Variants in IFT88 observed in about 807,000 individuals in gnomAD.
IFT88 encodes the protein intraflagellar transport 88.
IFT88 carries 74 observed loss-of-function variants against 119.5 expected under a neutral mutation model. The ratio of observed to expected loss-of-function variants is 0.62; its 90% CI spans 0.51 to 0.75. The LOEUF (loss-of-function observed/expected upper bound fraction) is 0.75, where lower values mean the gene tolerates loss of function less well. Among genes scored for constraint, IFT88 ranks in the 30% least tolerant of loss-of-function variants. IFT88 has a pLI of 0.00. For synonymous variants in IFT88, 279 were observed against 316.7 expected, an observed-to-expected ratio of 0.88 and a Z score of 1.26; for missense variants, 961 against 977.7, an observed-to-expected ratio of 0.98 and a Z score of 0.23.
intron 1 of IFT88, 121 bp from the exon 2 acceptor site, chr13:20,574,259 A>G (rs1214304080): frequency 6.3e-6 from 3 of 475,948 alleles, no homozygotes; most frequent in African/African-American, 6.1e-5. Flanking sequence ...GATCAAGGCT[A>G]TAGTGAGCCG....
intron 16 of IFT88, among the ~76,000 whole-genome samples, chr13:20,634,620 G>A (rs886310003): frequency 3.3e-5 from 5 of 151,852 alleles, no homozygotes; most frequent in South Asian, 2.1e-4. Flanking sequence ...CCAGCTACTC[G>A]GGAGGCTGAG....
intron 6 of IFT88, among the ~76,000 whole-genome samples, chr13:20,592,090 A>T (rs1455738587): frequency 6.6e-6 from 1 of 152,122 alleles, no homozygotes; most frequent in Non-Finnish European, 1.5e-5. Flanking sequence ...AGAATATCTT[A>T]TTTTTGTTTT....
intron 24 of IFT88, among the ~76,000 whole-genome samples, chr13:20,690,248 G>C (rs1374640924): frequency 6.6e-6 from 1 of 152,188 alleles, no homozygotes; most frequent in Non-Finnish European, 1.5e-5. Flanking sequence ...TGTGGGGCTA[G>C]AGGAGTACTT....
Position 20,583,107 on chromosome 13 carries a change from GTAGTGT to G in IFT88, c.153+91_153+96del, listed in dbSNP as rs978101951. 8 of 709,004 alleles carry G rather than the reference GTAGTGT, an allele frequency of 1.1e-5. No individual in the cohort carries two copies. The African/African-American group carries it at 1.5e-4, about 13-fold the overall frequency. 43.9% of individuals were successfully genotyped at this position (709,004 alleles called of 1,614,324 possible). On this transcript the variant is annotated intron_variant, in intron 3 of 25. Coordinates refer to ENST00000351808, the MANE Select transcript of IFT88 (RefSeq NM_006531.5). The stretch of plus-strand genomic sequence containing the variant: ...TAACCATTTTCACCTGTATATTCCT[GTAGTGT>G]TAAAGATTATAACCATCATTAAGTT...
chr13:20,652,411 C>A (rs898014687), intron 20 of IFT88, among the ~76,000 whole-genome samples: 1 of 151,856 alleles, frequency 6.6e-6, no homozygotes, highest in Non-Finnish European at 1.5e-5. Context: ...ATGAGACAGG[C>A]GGATCGCTTG....
intron 24 of IFT88, among the ~76,000 whole-genome samples, chr13:20,672,589 G>A (rs540935877): frequency 6.6e-6 from 1 of 152,292 alleles, no homozygotes; most frequent in Non-Finnish European, 1.5e-5. Flanking sequence ...TTAAGCCAGA[G>A]GCAGCCATAA....
At chr13:20,652,948 G>GT (rs1215602742) in intron 20 of IFT88, among the ~76,000 whole-genome samples, 1 of 152,178 alleles carries the variant, frequency 6.6e-6, no homozygotes, top group Non-Finnish European at 1.5e-5. Flanking sequence ...TGAATTTGCT[G>GT]TAACATGAAA....
chr13:20,671,204 T>C (rs1375833995), intron 24 of IFT88, among the ~76,000 whole-genome samples, 165 bp downstream of exon 24: 1 of 152,248 alleles, frequency 6.6e-6, no homozygotes, highest in African/African-American at 2.4e-5. Flanking sequence ...CAGTCTGATA[T>C]GTAAATGAGT....
At chr13:20,624,625 C>G (rs1392057293) in intron 14 of IFT88, among the ~76,000 whole-genome samples, 3 of 152,032 alleles carry the variant, frequency 2.0e-5, no homozygotes, top group Non-Finnish European at 4.4e-5. Flanking sequence ...CACAGGCCAC[C>G]CCCTGATTTT....
chr13:20,571,794 ATTAGTCCTATATT>A (rs2036411124), intron 1 of IFT88, among the ~76,000 whole-genome samples: 1 of 152,196 alleles, frequency 6.6e-6, no homozygotes, highest in African/African-American at 2.4e-5. Context: ...GGTGGGCACA[ATTAGTCCTATATT>A]TGCAGCAAGT....
intron 10 of IFT88, 127 bp downstream of exon 10, chr13:20,598,880 G>C (rs2042166276): frequency 7.0e-6 from 4 of 570,094 alleles, no homozygotes; most frequent in Middle Eastern, 4.9e-4. Flanking sequence ...TTTATGATAG[G>C]GGTATCCTGC....
In IFT88 at chr13:20,671,013, G is replaced by A. The variant is rs2055755775; in HGVS notation, c.2216G>A (p.Gly739Asp). ...SGRDGSGGSR[G>D]KREGSASGDS... Reference sequence around the variant, plus strand: ...AGAGATGGCAGTGGGGGCTCCCGTGGCAAAAGAGAAGGAAGTGCTAGCGGT... The same window carrying A: ...AGAGATGGCAGTGGGGGCTCCCGTGACAAAAGAGAAGGAAGTGCTAGCGGT... The change falls in exon 24 of 26, where the codon GGC (glycine) becomes GAC (aspartate). Residue 739 changes from glycine to aspartate, a missense_variant. Gly to Asp is a moderately conservative substitution (Grantham distance 94, BLOSUM62 -1). Transcript: ENST00000351808. 2 of 1,613,838 alleles carry A rather than the reference G, an allele frequency of 1.2e-6. No homozygotes were observed. Among genetic ancestry groups the A allele is most frequent in the Non-Finnish European group, 1.7e-6 (2 of 1,179,912 alleles).
intron 13 of IFT88, among the ~76,000 whole-genome samples, chr13:20,614,796 T>C (rs2045297498): frequency 6.6e-6 from 1 of 150,748 alleles, no homozygotes; most frequent in Non-Finnish European, 1.5e-5. Flanking sequence ...TGTTGAATGA[T>C]TTGGAAAGAT....
rs1380023472 is a variant in IFT88 at position 20,654,070 on chromosome 13, TG to T, written c.2002+143del. 9.3e-6 allele frequency: 4 copies of T among 431,404 alleles called. No individual in the cohort carries two copies. In the Admixed American group the frequency reaches 1.7e-4, roughly 18 times the overall value. 26.7% of individuals were successfully genotyped at this position (431,404 alleles called of 1,614,324 possible). ...ACTGTACATAATTCAAAGCATTGTATGAAAAACACAATAATTACTACATACA... is the reference window on the plus strand; with the variant it reads ...ACTGTACATAATTCAAAGCATTGTATAAAAACACAATAATTACTACATACA... On this transcript the variant is annotated intron_variant, in intron 21 of 25. Transcript: ENST00000351808.
intron 11 of IFT88, 22 bp downstream of exon 11, chr13:20,599,587 A>AT: frequency 9.7e-7 from 1 of 1,033,778 alleles, no homozygotes; most frequent in Non-Finnish European, 1.5e-6. Context: ...ACAATAGATA[A>AT]TAATTGTAAA....
chr13:20,676,278 A>C (rs1173370234), intron 24 of IFT88, among the ~76,000 whole-genome samples: 1 of 152,184 alleles, frequency 6.6e-6, no homozygotes, highest in African/African-American at 2.4e-5. Context: ...AGTTACTTAA[A>C]TCTCTTTGTC....
At chr13:20,676,491 GC>G (rs1404659635) in intron 24 of IFT88, among the ~76,000 whole-genome samples, 43 of 152,338 alleles carry the variant, frequency 2.8e-4, no homozygotes, top group African/African-American at 9.9e-4. Context: ...CCACTGCACT[GC>G]CAGCGCCCAT....
intron 22 of IFT88, among the ~76,000 whole-genome samples, chr13:20,658,130 CTT>C (rs1003496759): frequency 3.4e-5 from 5 of 147,602 alleles, no homozygotes; most frequent in Non-Finnish European, 7.5e-5. Flanking sequence ...GAGTTTTCTT[CTT>C]GTCTCCTAGG....
At chr13:20,688,573 ACTT>A (rs919580881) in intron 24 of IFT88, among the ~76,000 whole-genome samples, 1 of 152,212 alleles carries the variant, frequency 6.6e-6, no homozygotes, top group African/African-American at 2.4e-5. Flanking sequence ...CAAGAAATAA[ACTT>A]AAATCCTCCT....
Sources: allele counts gnomAD v4.1 joint callset (sites outside exome capture counted in the v4.1 genomes callset), GRCh38; gene constraint gnomAD v4.1.1; transcripts MANE v1.5; gene names NCBI Gene and HGNC (gene_info 2026-07-23, HGNC 2026-07-21).